CEACAM1: variants seen among roughly 807,000 people sequenced by gnomAD.
The protein encoded by CEACAM1 is cell adhesion molecule CEACAM1.
In CEACAM1, 31 loss-of-function variants were observed where a neutral mutation model predicts 49.1. That is an observed-to-expected ratio of 0.63 (90% CI 0.47 to 0.85). The LOEUF (loss-of-function observed/expected upper bound fraction) is 0.85, where lower values mean the gene tolerates loss of function less well. CEACAM1 is among the 40% of genes least tolerant of loss of function. The pLI, the probability that CEACAM1 is intolerant of heterozygous loss-of-function variation, is 0.00. For synonymous variants in CEACAM1, 244 were observed against 247.8 expected (o/e 0.98, Z 0.14); for missense variants, 570 against 645.3 (o/e 0.88, Z 1.26).
At chr19:42,523,743 C>G (rs951615041) in intron 2 of CEACAM1, among the ~76,000 whole-genome samples, 1 of 152,166 alleles carries the variant, frequency 6.6e-6, no homozygotes, top group Non-Finnish European at 1.5e-5. Context: ...TATTAATACT[C>G]TGGATCTAAC....
chr19:42,509,296 A>G, intron 8 of CEACAM1, 68 bp from the exon 9 acceptor site: 1 of 1,519,734 alleles, frequency 6.6e-7, no homozygotes, highest in Non-Finnish European at 8.8e-7. Flanking sequence ...GCCTGGTGTG[A>G]TTCAGCACCA....
rs1338585587 is a variant in CEACAM1 at position 42,527,056 on chromosome 19, G to A, written c.409C>T (p.Gln137Ter). 6.2e-7 allele frequency: 1 copy of A among 1,605,214 alleles called. No homozygotes were observed. Among genetic ancestry groups the A allele is most frequent in the South Asian group, 1.1e-5 (1 of 89,304 alleles). The change falls in exon 2 of 9, where the codon CAG (glutamine) becomes TAG (stop). Residue 137 changes from glutamine (Q) to a stop codon, truncating the protein, a stop_gained. Coordinates refer to ENST00000161559, the MANE Select transcript of CEACAM1 (RefSeq NM_001712.5). LOFTEE classifies it high-confidence loss of function. ...SDLVNEEATGQFHVYPELPKP... is the reference protein window; with the variant it reads ...SDLVNEEATG Reference sequence around the variant, plus strand: ...AAATACTCACGGTATACATGGAACTGTCCAGTTGCTTCTTCATTCACAAGA... The same window carrying A: ...AAATACTCACGGTATACATGGAACTATCCAGTTGCTTCTTCATTCACAAGA...
intron 5 of CEACAM1, 112 bp from the exon 6 acceptor site, chr19:42,512,591 A>G: frequency 9.1e-7 from 1 of 1,098,878 alleles, no homozygotes; most frequent in Non-Finnish European, 1.3e-6. Context: ...CAAGGAATAC[A>G]GTTTCGTTGT....
chr19:42,528,260 C>T, intron 1 of CEACAM1, 51 bp downstream of exon 1: 2 of 1,535,184 alleles, frequency 1.3e-6, no homozygotes, highest in South Asian at 2.3e-5. Context: ...GGACCCTAGC[C>T]ATTCTCTGTG....
In CEACAM1 at chr19:42,507,589, A is replaced by T. The variant is rs2090488052; in HGVS notation, c.*1520T>A. The T allele has an allele frequency of 6.6e-6, 1 of 152,242 alleles. No homozygotes were observed. The highest frequency in any genetic ancestry group is 6.5e-5 in the Admixed American group (1 of 15,282). The allele number at this position is 152,242 out of a possible 1,614,324, so 9.4% of individuals were successfully genotyped here. ...CCCCAAAGAGATTCCATCTGTGTAG[A>T]AGACTGGGTGAGAAGTACATTTGCC... On this transcript the variant is annotated 3_prime_UTR_variant, in exon 9 of 9. Transcript: ENST00000161559.
intron 1 of CEACAM1, chr19:42,527,861 TTGTGTGA>T (rs2041935530): frequency 5.0e-6 from 1 of 199,478 alleles, no homozygotes; most frequent in African/African-American, 2.4e-5. Context: ...GGGCAGGGAT[TTGTGTGA>T]TGTTGGTTGC....
At chr19:42,513,710 T>C (rs1056581505) in intron 5 of CEACAM1, among the ~76,000 whole-genome samples, 2 of 149,138 alleles carry the variant, frequency 1.3e-5, no homozygotes, top group Non-Finnish European at 3.0e-5. Flanking sequence ...CTCGCCTTAC[T>C]TTCCCTCACA....
At chr19:42,518,680 T>C (rs567265974) in intron 5 of CEACAM1, 2 of 378,180 alleles carry the variant, frequency 5.3e-6, no homozygotes, top group East Asian at 1.3e-4. Context: ...TTTTGTATTT[T>C]TAGTAGACAC....
chr19:42,527,812 T>G (rs1384556463), intron 1 of CEACAM1: 3 of 198,712 alleles, frequency 1.5e-5, no homozygotes. Flanking sequence ...TCTCTTTGCT[T>G]GTCTGTCTTC....
intron 7 of CEACAM1, chr19:42,511,203 A>G: frequency 1.7e-6 from 1 of 576,014 alleles, no homozygotes; most frequent in South Asian, 2.2e-5. Context: ...AGTGGCAAGG[A>G]GGGGCATTGA....
rs773393540 is a variant in CEACAM1 at position 42,527,415 on chromosome 19, A to G, written c.65-15T>C. 3 of 1,574,132 alleles carry G rather than the reference A, an allele frequency of 1.9e-6. No homozygotes were observed. In the Admixed American group the frequency reaches 5.5e-5, roughly 29 times the overall value. ...TAGAAGTGAGGCTAGGAGAGAGGAG[A>G]GAGCATCAGTCAATATTGGGACCTA... On this transcript the variant is annotated splice_polypyrimidine_tract_variant and intron_variant, in intron 1 of 8. Coordinates refer to ENST00000161559, the MANE Select transcript of CEACAM1 (RefSeq NM_001712.5).
At chr19:42,511,373 G>A (rs1742728402) in intron 7 of CEACAM1, 4 of 605,794 alleles carry the variant, frequency 6.6e-6, no homozygotes, top group African/African-American at 1.9e-5. Flanking sequence ...GGCAGAGTGA[G>A]CCTCTCTCCT....
intron 5 of CEACAM1, among the ~76,000 whole-genome samples, chr19:42,517,745 G>GTAT (rs1218086257): frequency 6.6e-6 from 1 of 152,174 alleles, no homozygotes; most frequent in African/African-American, 2.4e-5. Context: ...AATGTGAAAT[G>GTAT]GTATAGCCAC....
At chr19:42,522,989 C>T (rs2041797122) in intron 2 of CEACAM1, among the ~76,000 whole-genome samples, 1 of 152,220 alleles carries the variant, frequency 6.6e-6, no homozygotes, top group South Asian at 2.1e-4. Context: ...GAAGCACAGA[C>T]TTTCTCAAGT....
At chr19:42,517,702 G>C (rs2041633414) in intron 5 of CEACAM1, among the ~76,000 whole-genome samples, 5 of 152,224 alleles carry the variant, frequency 3.3e-5, no homozygotes. Context: ...TGAAGATGTA[G>C]AGAAATTGGA....
Position 42,527,551 on chromosome 19 carries a change from T to C in CEACAM1, c.65-151A>G. On this transcript the variant is annotated intron_variant, in intron 1 of 8. Transcript: ENST00000161559. ...TGTGTGTGTGTGTGTGTGTGTGTCC[T>C]ACTGGGTCAAGGTCAGCAGTGTGAC... 4 of 915,446 alleles carry C rather than the reference T, an allele frequency of 4.4e-6. No homozygotes were observed. The South Asian group carries it at 7.6e-5, about 17-fold the overall frequency. The allele number at this position is 915,446 out of a possible 1,614,324, so 56.7% of individuals were successfully genotyped here.
intron 8 of CEACAM1, among the ~76,000 whole-genome samples, chr19:42,510,308 G>A (rs901239812): frequency 3.3e-5 from 5 of 151,558 alleles, no homozygotes; most frequent in African/African-American, 9.7e-5. Flanking sequence ...GAATGGTCTC[G>A]ATCTCCTGAC....
chr19:42,517,688 T>C (rs1008739890), intron 5 of CEACAM1, among the ~76,000 whole-genome samples: 1 of 152,126 alleles, frequency 6.6e-6, no homozygotes, highest in Non-Finnish European at 1.5e-5. Flanking sequence ...GCAACAAATG[T>C]TTTTGAAGAT....
chr19:42,518,691 G>A lies in CEACAM1; in HGVS notation c.1246+257C>T, dbSNP rs1030793605. On this transcript the variant is annotated intron_variant, in intron 5 of 8. Transcript: ENST00000161559. Reference sequence around the variant, plus strand: ...TTTTTTTTGTATTTTTAGTAGACACGGGGTTTCACCATATTAGCCAGGATG... The same window carrying A: ...TTTTTTTTGTATTTTTAGTAGACACAGGGTTTCACCATATTAGCCAGGATG... 1.9e-5 allele frequency: 8 copies of A among 417,410 alleles called. No individual in the cohort carries two copies. In the East Asian group the frequency reaches 3.7e-4, roughly 19 times the overall value. The allele number at this position is 417,410 out of a possible 1,614,324, so 25.9% of individuals were successfully genotyped here. A position where few individuals can be genotyped will look rare whatever the true frequency, so the allele number is the denominator to read the frequency against.
Sources: allele counts gnomAD v4.1 joint callset (sites outside exome capture counted in the v4.1 genomes callset), GRCh38; gene constraint gnomAD v4.1.1; transcripts MANE v1.5; gene names NCBI Gene and HGNC (gene_info 2026-07-23, HGNC 2026-07-21).